HMG20A: variants seen among roughly 807,000 people sequenced by gnomAD.
HMG20A encodes high mobility group 20A, also known as high mobility group protein 20A.
Under a neutral mutation model 43.9 loss-of-function variants are expected in HMG20A, and 17 were observed. The observed-to-expected ratio is 0.39, with a 90% confidence interval of 0.27 to 0.58. The LOEUF (loss-of-function observed/expected upper bound fraction) is 0.58, where lower values mean the gene tolerates loss of function less well. Ranked by LOEUF, HMG20A falls within the 20% of genes least tolerant of loss-of-function variation. The probability of loss-of-function intolerance (pLI) is 0.59; values close to 1 mark genes in which losing one functional copy is unlikely to be tolerated. For missense variants in HMG20A, 341 were observed against 438.2 expected, an observed-to-expected ratio of 0.78 and a Z score of 1.98; for synonymous variants, 132 against 147.5, an observed-to-expected ratio of 0.89 and a Z score of 0.76.
At chr15:77,473,376 G>A (rs1035885533) in intron 6 of HMG20A, among the ~76,000 whole-genome samples, 2 of 152,146 alleles carry the variant, frequency 1.3e-5, no homozygotes, top group Non-Finnish European at 2.9e-5. Flanking sequence ...TTCTTTGCCT[G>A]TGTGCCCAGC....
In HMG20A at chr15:77,479,170, T is replaced by C; in HGVS notation, c.908-9T>C. On this transcript the variant is annotated splice_polypyrimidine_tract_variant and intron_variant, in intron 8 of 9. Transcript: ENST00000336216. ...AGGATTTTCTTACTTTCTTCTTATC[T>C]CACTTCAGGAAGTGGAGAGACACCT... 1.9e-6 allele frequency: 3 copies of C among 1,612,928 alleles called. No individual in the cohort carries two copies. Among genetic ancestry groups the C allele is most frequent in the Non-Finnish European group, 2.5e-6 (3 of 1,178,982 alleles).
chr15:77,478,173 G>A (rs1321059473), intron 7 of HMG20A, 122 bp from the exon 8 acceptor site: 9 of 832,194 alleles, frequency 1.1e-5, no homozygotes, highest in Non-Finnish European at 1.6e-5. Flanking sequence ...AATGAGAATA[G>A]GGAGATGAGG....
chr15:77,464,596 C>A, intron 3 of HMG20A: 1 of 425,062 alleles, frequency 2.4e-6, no homozygotes, highest in East Asian at 4.5e-5. Flanking sequence ...TCCCTGTTCC[C>A]TAAGAAATGT....
chr15:77,516,672 C>T, the HMG20A span, among the ~76,000 whole-genome samples: 344 of 152,092 alleles, frequency 2.3e-3, 1 homozygote, highest in African/African-American at 7.8e-3. Context: ...GTGAGAAGGG[C>T]ACTGAACTCC....
At chr15:77,435,583 T>C (rs908675363) in intron 1 of HMG20A, among the ~76,000 whole-genome samples, 1 of 152,136 alleles carries the variant, frequency 6.6e-6, no homozygotes, top group African/African-American at 2.4e-5. Flanking sequence ...TGTGAGCCAC[T>C]GCACCCAGCC....
intron 1 of HMG20A, among the ~76,000 whole-genome samples, chr15:77,454,934 A>G (rs11633054): frequency 0.64 from 97,375 of 151,688 alleles, 31,755 homozygotes; most frequent in Non-Finnish European, 0.71. Context: ...AAAGGCTGTA[A>G]TATGGAAAAT....
chr15:77,461,134 G>C (rs74782864), intron 2 of HMG20A, among the ~76,000 whole-genome samples: 3,893 of 152,222 alleles, frequency 0.026, 52 homozygotes, highest in Middle Eastern at 0.048. Flanking sequence ...GAGGGGAAAA[G>C]ATCAACTGTG....
the HMG20A span, among the ~76,000 whole-genome samples, chr15:77,493,311 A>G: frequency 6.6e-6 from 1 of 152,066 alleles, no homozygotes; most frequent in Non-Finnish European, 1.5e-5. Flanking sequence ...AAAATGAAAA[A>G]CCAGTAGGAC....
At chr15:77,453,693 G>A (rs1244670020) in intron 1 of HMG20A, among the ~76,000 whole-genome samples, 1 of 152,114 alleles carries the variant, frequency 6.6e-6, no homozygotes, top group Admixed American at 6.6e-5. Context: ...ACTGATATGT[G>A]GATCAACAAA....
At chr15:77,466,731 C>T (rs191536044) in intron 3 of HMG20A, among the ~76,000 whole-genome samples, 1 of 152,318 alleles carries the variant, frequency 6.6e-6, no homozygotes, top group Non-Finnish European at 1.5e-5. Flanking sequence ...ACTCTCCTGT[C>T]AGGAATCAGG....
chr15:77,458,184 A>G (rs1174246992), intron 1 of HMG20A: 4 of 373,652 alleles, frequency 1.1e-5, no homozygotes, highest in African/African-American at 8.5e-5. Context: ...GTTAAAACCT[A>G]ACTTGTTTTC....
intron 1 of HMG20A, among the ~76,000 whole-genome samples, chr15:77,449,508 C>T (rs2073711968): frequency 6.6e-6 from 1 of 152,150 alleles, no homozygotes; most frequent in Non-Finnish European, 1.5e-5. Flanking sequence ...AGCCTCTTTT[C>T]CTTCCTCCAG....
intron 1 of HMG20A, among the ~76,000 whole-genome samples, chr15:77,446,292 C>T (rs113754082): frequency 0.01 from 1,520 of 151,838 alleles, 29 homozygotes; most frequent in African/African-American, 0.035. Context: ...ACCCTTTTTC[C>T]ACGTCCCCTA....
chr15:77,502,739 A>G, the HMG20A span, among the ~76,000 whole-genome samples: 2 of 152,166 alleles, frequency 1.3e-5, no homozygotes, highest in Non-Finnish European at 2.9e-5. Context: ...AGGCCAAGGC[A>G]AGAGGATCAC....
At chr15:77,495,733 T>C in the HMG20A span, among the ~76,000 whole-genome samples, 1 of 152,156 alleles carries the variant, frequency 6.6e-6, no homozygotes, top group African/African-American at 2.4e-5. Flanking sequence ...GACAATTGCC[T>C]GGCCAAAAAA....
Position 77,422,621 on chromosome 15 carries a change from GATAA to G in HMG20A, c.-5+1629_-5+1632del, listed in dbSNP as rs778910068. On this transcript the variant is annotated intron_variant, in intron 1 of 9. Transcript: ENST00000336216. ...ACAGTGAGACTCCGTCTCAAAAATA[GATAA>G]ATAAATAAATAGCTGTTTGGGTTAG... Among the ~76,000 whole-genome samples, 179 of 152,168 alleles carry G rather than the reference GATAA, an allele frequency of 1.2e-3. 1 individual carries two copies. Among genetic ancestry groups the G allele is most frequent in the Non-Finnish European group, 2.2e-3 (150 of 67,990 alleles).
the HMG20A span, among the ~76,000 whole-genome samples, chr15:77,493,905 T>G: frequency 6.6e-6 from 1 of 152,282 alleles, no homozygotes; most frequent in Non-Finnish European, 1.5e-5. Context: ...AAGTGTTAAG[T>G]CAGCAGATGT....
chr15:77,517,186 C>A, the HMG20A span, among the ~76,000 whole-genome samples: 2 of 152,162 alleles, frequency 1.3e-5, no homozygotes, highest in African/African-American at 4.8e-5. Flanking sequence ...CCCATCCCTG[C>A]GGAGACCATC....
the HMG20A span, among the ~76,000 whole-genome samples, chr15:77,514,436 A>G: frequency 6.6e-6 from 1 of 152,098 alleles, no homozygotes; most frequent in African/African-American, 2.4e-5. Flanking sequence ...GGAGATACTG[A>G]AATGGATAGT....
Sources: allele counts gnomAD v4.1 joint callset (sites outside exome capture counted in the v4.1 genomes callset), GRCh38; gene constraint gnomAD v4.1.1; transcripts MANE v1.5; gene names NCBI Gene and HGNC (gene_info 2026-07-23, HGNC 2026-07-21).